The following SH3PXD2B variants were observed in gnomAD, a reference collection of about 807,000 sequenced individuals.
The protein encoded by SH3PXD2B is SH3 and PX domains 2B.
In SH3PXD2B, 37 loss-of-function variants were observed where a neutral mutation model predicts 73.1. The observed-to-expected ratio is 0.51, with a 90% confidence interval of 0.39 to 0.67. The LOEUF (loss-of-function observed/expected upper bound fraction) is 0.67, where lower values mean the gene tolerates loss of function less well. SH3PXD2B is among the 30% of genes least tolerant of loss of function. SH3PXD2B has a pLI of 0.00. For missense variants in SH3PXD2B, 1,053 were observed against 1,197.8 expected (o/e 0.88, Z 1.78); for synonymous variants, 457 against 480.5 (o/e 0.95, Z 0.64).
At chr5:172,371,175 G>A (rs929238131) in intron 6 of SH3PXD2B, among the ~76,000 whole-genome samples, 1 of 152,158 alleles carries the variant, frequency 6.6e-6, no homozygotes, top group African/African-American at 2.4e-5. Flanking sequence ...TTAAGATGAA[G>A]GGTAAAGGGG....
intron 2 of SH3PXD2B, among the ~76,000 whole-genome samples, chr5:172,410,410 C>T (rs1758666155): frequency 6.6e-6 from 1 of 152,174 alleles, no homozygotes; most frequent in African/African-American, 2.4e-5. Context: ...GGTGAGGCCA[C>T]AGTGGGGACT....
chr5:172,348,694 T>TCTATCTATC (rs1554135171), intron 10 of SH3PXD2B, among the ~76,000 whole-genome samples: 32 of 40,116 alleles, frequency 8.0e-4, no homozygotes, highest in East Asian at 7.9e-3. Context: ...TATCTATCTA[T>TCTATCTATC]CTATCTATCT....
At chr5:172,375,014 C>A (rs1757792273) in intron 5 of SH3PXD2B, among the ~76,000 whole-genome samples, 1 of 152,128 alleles carries the variant, frequency 6.6e-6, no homozygotes, top group South Asian at 2.1e-4. Context: ...GAATTGGAAC[C>A]CAGATCGAAC....
intron 2 of SH3PXD2B, among the ~76,000 whole-genome samples, chr5:172,414,758 C>T (rs760806981): frequency 6.6e-6 from 1 of 152,232 alleles, no homozygotes; most frequent in African/African-American, 2.4e-5. Context: ...ACAGATGAGG[C>T]TGGCATTTCT....
intron 10 of SH3PXD2B, among the ~76,000 whole-genome samples, chr5:172,349,010 G>A (rs1368683035): frequency 6.6e-6 from 1 of 152,146 alleles, no homozygotes; most frequent in Non-Finnish European, 1.5e-5. Context: ...ACTGTGCCCA[G>A]CCTGAACCTA....
intron 4 of SH3PXD2B, among the ~76,000 whole-genome samples, chr5:172,389,178 C>T (rs1457027745): frequency 6.6e-6 from 1 of 151,612 alleles, no homozygotes; most frequent in Non-Finnish European, 1.5e-5. Flanking sequence ...GCCTCAGCCT[C>T]CTGAGTAGCT....
In SH3PXD2B at chr5:172,353,809, G is replaced by T; in HGVS notation, c.785+79C>A. 1 of 1,095,056 alleles carries T rather than the reference G, an allele frequency of 9.1e-7. No homozygotes were observed. The highest frequency in any genetic ancestry group is 1.4e-6 in the Non-Finnish European group (1 of 708,190). The allele number at this position is 1,095,056 out of a possible 1,614,324, so 67.8% of individuals were successfully genotyped here. ...GCAATCACTTACCGACCTCTGTGAGGCCAGAGTCCCTGTGACCCCAAACCC... is the reference window on the plus strand; with the variant it reads ...GCAATCACTTACCGACCTCTGTGAGTCCAGAGTCCCTGTGACCCCAAACCC... On this transcript the variant is annotated intron_variant, in intron 9 of 12. Coordinates refer to ENST00000311601, the MANE Select transcript of SH3PXD2B (RefSeq NM_001017995.3). The surrounding 1 kb of genome is among the most constrained non-coding windows in gnomAD (Gnocchi z 4.3).
chr5:172,347,324 T>C lies in SH3PXD2B; in HGVS notation c.1021A>G (p.Lys341Glu), dbSNP rs145343254. The C allele has an allele frequency of 3.7e-5, 60 of 1,614,022 alleles. No individual in the cohort carries two copies. In the African/African-American group the frequency reaches 7.2e-4, roughly 19 times the overall value. ...CGAGGAGGGGGTCTCTGCCTCATCT[T>C]TGGTGATCCTATGGAGAAATGAGAG... The part of the protein sequence containing the change: ...PDGDAKQRSP[K>E]MRQRPPPRRD... Residue 341 changes from lysine to glutamate, a missense_variant, in exon 11 of 13, where the codon AAG becomes GAG. Transcript: ENST00000311601.
intron 4 of SH3PXD2B, among the ~76,000 whole-genome samples, chr5:172,394,164 C>T (rs545874143): frequency 2.0e-5 from 3 of 152,272 alleles, no homozygotes; most frequent in East Asian, 1.9e-4. Context: ...AGGCTGGTCT[C>T]GAACTCCTGA....
chr5:172,392,901 CT>C (rs1758221482), intron 4 of SH3PXD2B, among the ~76,000 whole-genome samples: 1 of 152,216 alleles, frequency 6.6e-6, no homozygotes. Context: ...TATTTCTGGA[CT>C]CTCAATGTTG....
intron 5 of SH3PXD2B, among the ~76,000 whole-genome samples, chr5:172,379,964 AAAC>A (rs1757907307): frequency 6.6e-6 from 1 of 152,182 alleles, no homozygotes; most frequent in African/African-American, 2.4e-5. Flanking sequence ...CACCTCTTCC[AAAC>A]TGTGCCTCTC....
chr5:172,330,396 A>G (rs1756532614), downstream of SH3PXD2B, among the ~76,000 whole-genome samples: 2 of 152,222 alleles, frequency 1.3e-5, no homozygotes, highest in African/African-American at 4.8e-5. Context: ...AATGCAAGGC[A>G]GAGCTGAAAT....
At chr5:172,357,945 T>C (rs1184741263) in intron 8 of SH3PXD2B, among the ~76,000 whole-genome samples, 3 of 152,232 alleles carry the variant, frequency 2.0e-5, no homozygotes, top group Admixed American at 6.5e-5. Flanking sequence ...AGGTCAGGTA[T>C]TGCTGATACA....
intron 5 of SH3PXD2B, among the ~76,000 whole-genome samples, chr5:172,378,483 C>G (rs1287029128): frequency 6.6e-6 from 1 of 152,180 alleles, no homozygotes; most frequent in Non-Finnish European, 1.5e-5. Context: ...CTTGGATTCT[C>G]TAAGTGGTCC....
At chr5:172,433,942 G>A (rs1759310913) in intron 1 of SH3PXD2B, among the ~76,000 whole-genome samples, 1 of 152,128 alleles carries the variant, frequency 6.6e-6, no homozygotes, top group African/African-American at 2.4e-5. Context: ...AGGGGATGGG[G>A]ACTCCCAGTG....
chr5:172,347,363 G>A, intron 10 of SH3PXD2B, 31 bp from the exon 11 acceptor site: 1 of 1,610,934 alleles, frequency 6.2e-7, no homozygotes, highest in Non-Finnish European at 8.5e-7. Flanking sequence ...ATTACATCTT[G>A]TGCTACAGAT....
intron 4 of SH3PXD2B, among the ~76,000 whole-genome samples, chr5:172,389,051 CT>C (rs1361255076): frequency 4.7e-5 from 7 of 147,526 alleles, no homozygotes; most frequent in African/African-American, 1.8e-4. Flanking sequence ...TGCATTTTTA[CT>C]TTTTCTTTTT....
At chr5:172,389,536 G>A (rs1191902278) in intron 4 of SH3PXD2B, among the ~76,000 whole-genome samples, 1 of 135,996 alleles carries the variant, frequency 7.4e-6, no homozygotes. Flanking sequence ...TTCGAGACCA[G>A]CCTGGACAAC....
In SH3PXD2B at chr5:172,334,277, C is replaced by A. The variant is rs1236079452; in HGVS notation, c.*4092G>T. 7 of 1,009,030 alleles carry A rather than the reference C, an allele frequency of 6.9e-6. No homozygotes were observed. In the Admixed American group the frequency reaches 4.1e-4, roughly 59 times the overall value. The allele number at this position is 1,009,030 out of a possible 1,614,324, so 62.5% of individuals were successfully genotyped here. A position where few individuals can be genotyped will look rare whatever the true frequency, so the allele number is the denominator to read the frequency against. ...AAGGAGGTCCATGAGCAGGCAAGGA[C>A]TGTGGAGCCTCCGGTTCCAGCTCTG... is the stretch of plus-strand genomic sequence containing the variant. On this transcript the variant is annotated 3_prime_UTR_variant, in exon 13 of 13. Coordinates refer to ENST00000311601, the MANE Select transcript of SH3PXD2B (RefSeq NM_001017995.3).
Sources: allele counts gnomAD v4.1 joint callset (sites outside exome capture counted in the v4.1 genomes callset), GRCh38; gene constraint gnomAD v4.1.1; non-coding constraint Gnocchi (gnomAD v3.1); transcripts MANE v1.5; gene names NCBI Gene and HGNC (gene_info 2026-07-23, HGNC 2026-07-21).